The following KRT73 variants were observed in gnomAD, a reference collection of about 807,000 sequenced individuals.
KRT73 encodes keratin, type II cytoskeletal 73.
KRT73 carries 44 observed loss-of-function variants against 47.2 expected under a neutral mutation model. The ratio of observed to expected loss-of-function variants is 0.93; its 90% CI spans 0.73 to 1.20. The LOEUF (loss-of-function observed/expected upper bound fraction) is 1.20. KRT73 is among the 50% of genes most tolerant of loss of function. The pLI is 0.00. For synonymous variants in KRT73, 285 were observed against 291.3 expected, an observed-to-expected ratio of 0.98 and a Z score of 0.22; for missense variants, 713 against 704.5, an observed-to-expected ratio of 1.01 and a Z score of -0.14.
rs745616492 is a variant in KRT73, at chr12:52,618,366, A to AC, written c.158dup (p.Ala54CysfsTer71). The stretch of plus-strand genomic sequence containing the variant: ...CCACATTGAAAGAGATGCTCCGGGC[A>AC]CCCCCCAGGCTGTAAAGGCTCCGAC... On this transcript the variant is annotated frameshift_variant, in exon 1 of 9. Transcript: ENST00000305748. LOFTEE classifies it high-confidence loss of function. 2 of 1,613,784 alleles carry AC rather than the reference A, an allele frequency of 1.2e-6. No individual in the cohort carries two copies. Among genetic ancestry groups the AC allele is most frequent in the Non-Finnish European group, 1.7e-6 (2 of 1,179,976 alleles).
At chr12:52,615,079 G>A (rs779716810) in intron 3 of KRT73, 200 bp downstream of exon 3, 3 of 545,068 alleles carry the variant, frequency 5.5e-6, no homozygotes, top group Non-Finnish European at 6.5e-6. Flanking sequence ...CCACATCTAG[G>A]TTCCTGTCCA....
At chr12:52,614,011 C>A in intron 4 of KRT73, 159 bp from the exon 5 acceptor site, 1 of 1,078,488 alleles carries the variant, frequency 9.3e-7, no homozygotes, top group Non-Finnish European at 1.3e-6. Flanking sequence ...CCAGAGGTTC[C>A]AATACCACAT....
intron 4 of KRT73, chr12:52,614,074 GT>G: frequency 1.8e-6 from 1 of 543,962 alleles, no homozygotes. Context: ...CAGCCCATAT[GT>G]CTGTCCCCTG....
chr12:52,609,117 G>A (rs1011827585), intron 8 of KRT73, 130 bp downstream of exon 8: 5 of 791,546 alleles, frequency 6.3e-6, no homozygotes, highest in East Asian at 2.4e-5. Flanking sequence ...CAGCAAGGAA[G>A]GTGAGTATGT....
chr12:52,608,305 C>G lies in KRT73; in HGVS notation c.1514G>C (p.Cys505Ser). Residue 505 changes from cysteine to serine, a missense_variant, in exon 9 of 9, where the codon TGT becomes TCT. Cys to Ser is a moderately radical substitution (Grantham distance 112, BLOSUM62 -1). Coordinates refer to ENST00000305748, the MANE Select transcript of KRT73 (RefSeq NM_175068.3). Reference sequence around the variant, plus strand: ...GGTCCTGGCTTCCCCACGGGGGCTACAGTTCCCACTGCCAGTGACACAGCC... The same window carrying G: ...GGTCCTGGCTTCCCCACGGGGGCTAGAGTTCCCACTGCCAGTGACACAGCC... ...PGGCVTGSGN[C>S]SPRGEARTRL... 1.2e-6 allele frequency: 2 copies of G among 1,614,040 alleles called. No homozygotes were observed. The highest frequency in any genetic ancestry group is 1.7e-6 in the Non-Finnish European group (2 of 1,180,024).
Position 52,609,361 on chromosome 12 carries a change from G to A in KRT73, c.1332-80C>T, listed in dbSNP as rs576988655. On this transcript the variant is annotated intron_variant, in intron 7 of 8. Coordinates refer to ENST00000305748, the MANE Select transcript of KRT73 (RefSeq NM_175068.3). ...CCTCACTGCCTAAACACAGGCTGGGGATCCCCAGCCAGACCAGCTCAGCCT... is the reference window on the plus strand; with the variant it reads ...CCTCACTGCCTAAACACAGGCTGGGAATCCCCAGCCAGACCAGCTCAGCCT... 33 of 1,229,956 alleles carry A rather than the reference G, an allele frequency of 2.7e-5. No homozygotes were observed. The African/African-American group carries it at 4.3e-4, about 16-fold the overall frequency. The allele number at this position is 1,229,956 out of a possible 1,614,324, so 76.2% of individuals were successfully genotyped here.
the KRT73 span, among the ~76,000 whole-genome samples, chr12:52,628,813 C>T: frequency 6.6e-6 from 1 of 152,168 alleles, no homozygotes; most frequent in Non-Finnish European, 1.5e-5. Context: ...TTTGTTTTGA[C>T]CCAAAAGCCC....
At position 52,616,436 on chromosome 12, in the gene KRT73, CT is replaced by C. The variant is rs576277822; in HGVS notation, c.448-57del. 268 of 1,600,070 alleles carry C rather than the reference CT, an allele frequency of 1.7e-4. 3 individuals are homozygous for C. In the South Asian group the frequency reaches 2.8e-3, roughly 17 times the overall value. ...TGTGGAGAGGGGATGTGAGAATTCC[CT>C]TCCTGGACAGGAACTGTGTTTTCTT... On this transcript the variant is annotated intron_variant, in intron 1 of 8. Coordinates refer to ENST00000305748, the MANE Select transcript of KRT73 (RefSeq NM_175068.3).
At position 52,607,839 on chromosome 12, in the gene KRT73, A is replaced by G. The variant is rs574509919; in HGVS notation, c.*357T>C. On this transcript the variant is annotated 3_prime_UTR_variant, in exon 9 of 9. Coordinates refer to ENST00000305748, the MANE Select transcript of KRT73 (RefSeq NM_175068.3). ...GTACCCAGGGAGCACATGGCCAAAT[A>G]GTTACTGAGACAGGGTATGAAAGAG... The G allele has an allele frequency of 6.1e-5, 12 of 196,932 alleles. No individual in the cohort carries two copies. The South Asian group carries it at 1.6e-3, about 27-fold the overall frequency. 12.2% of individuals were successfully genotyped at this position (196,932 alleles called of 1,614,324 possible).
At chr12:52,620,160 C>T (rs648913), upstream of KRT73, among the ~76,000 whole-genome samples, 9,324 of 129,540 alleles carry the variant, frequency 0.072, 749 homozygotes, top group Admixed American at 0.2. Context: ...CTTGCCCAGG[C>T]TGGAGTGCAA....
At position 52,610,706 on chromosome 12, in the gene KRT73, G is replaced by A. The variant is rs116464415; in HGVS notation, c.1240C>T (p.Leu414=). The A allele has an allele frequency of 2.2e-5, 36 of 1,613,960 alleles. No individual in the cohort carries two copies. Among genetic ancestry groups the A allele is most frequent in the Non-Finnish European group, 3.1e-5 (36 of 1,180,006 alleles). The part of the protein sequence containing the change: ...QQAKEELARM[L]REYQELLSVK... ...CTCAAAAGCTCTTGGTACTCGCGCAGCATCCGTGCCAGCTCCTCCTTGGCC... is the reference window on the plus strand; with the variant it reads ...CTCAAAAGCTCTTGGTACTCGCGCAACATCCGTGCCAGCTCCTCCTTGGCC... The change falls in exon 7 of 9, where the codon CTG becomes TTG. Residue 414 remains leucine, a synonymous_variant. Coordinates refer to ENST00000305748, the MANE Select transcript of KRT73 (RefSeq NM_175068.3).
chr12:52,616,405 A>C lies in KRT73; in HGVS notation c.448-25T>G, dbSNP rs745779680. The C allele has an allele frequency of 1.5e-5, 25 of 1,613,298 alleles. No individual in the cohort carries two copies. The African/African-American group carries it at 3.3e-4, about 22-fold the overall frequency. ...CCTGGAACCCATGCCACACATACTT[A>C]AGCAATGTGGAGAGGGGATGTGAGA... On this transcript the variant is annotated intron_variant, in intron 1 of 8. Coordinates refer to ENST00000305748, the MANE Select transcript of KRT73 (RefSeq NM_175068.3).
chr12:52,623,543 A>G (rs1049517247), upstream of KRT73, among the ~76,000 whole-genome samples: 3 of 152,322 alleles, frequency 2.0e-5, no homozygotes, highest in Admixed American at 6.5e-5. Flanking sequence ...AGGAGGAAAA[A>G]ACATGATAAT....
the KRT73 span, among the ~76,000 whole-genome samples, chr12:52,628,470 G>C: frequency 6.6e-6 from 1 of 152,180 alleles, no homozygotes; most frequent in African/African-American, 2.4e-5. Context: ...CCTTAGAATA[G>C]GTCATAGGAG....
chr12:52,626,473 G>C, the KRT73 span, among the ~76,000 whole-genome samples: 3 of 152,054 alleles, frequency 2.0e-5, no homozygotes, highest in Non-Finnish European at 4.4e-5. Context: ...GTTTTCATCA[G>C]AGCCTGAACC....
the KRT73 span, among the ~76,000 whole-genome samples, chr12:52,630,341 C>G: frequency 6.6e-6 from 1 of 152,202 alleles, no homozygotes; most frequent in African/African-American, 2.4e-5. Flanking sequence ...CCTGGCCCTC[C>G]AGGGCCACCT....
chr12:52,616,193 C>T lies in KRT73; in HGVS notation c.635G>A (p.Arg212His), dbSNP rs1210935768. 3 of 1,614,144 alleles carry T rather than the reference C, an allele frequency of 1.9e-6. No homozygotes were observed. Among genetic ancestry groups the T allele is most frequent in the East Asian group, 2.2e-5 (1 of 44,882 alleles). Residue 212 changes from arginine to histidine, a missense_variant, in exon 2 of 9, where the codon CGC becomes CAC. By Grantham distance (29) the Arg-to-His change is conservative. Transcript: ENST00000305748. Reference protein sequence around the residue: ...VRLDSELRSVREVVEDYKKRY... With the variant: ...VRLDSELRSVHEVVEDYKKRY... ...CTTCTTGTAGTCCTCCACCACTTCG[C>T]GCACGCTCCTCAGCTCCGAGTCCAG...
chr12:52,628,731 C>T, the KRT73 span, among the ~76,000 whole-genome samples: 1 of 152,162 alleles, frequency 6.6e-6, no homozygotes, highest in Non-Finnish European at 1.5e-5. Context: ...GTGACTGACA[C>T]CAAAGGCCCA....
In KRT73 at chr12:52,616,157, C is replaced by A. The variant is rs764145104; in HGVS notation, c.662+9G>T. ...GAGGCAGACCAGCCTGGAGTGGCGT[C>A]CTGCTCACCTCTTCTTGTAGTCCTC... On this transcript the variant is annotated intron_variant, in intron 2 of 8. Transcript: ENST00000305748. The A allele has an allele frequency of 2.0e-5, 33 of 1,613,864 alleles. No homozygotes were observed. The South Asian group carries it at 3.6e-4, about 18-fold the overall frequency.
Sources: gnomAD v4.1 joint callset for allele counts (sites outside exome capture counted in the v4.1 genomes callset) on GRCh38, gnomAD v4.1.1 for gene constraint, MANE v1.5 for transcripts, NCBI Gene and HGNC (gene_info 2026-07-23, HGNC 2026-07-21) for gene names.